CNTN6: variants seen among roughly 807,000 people sequenced by gnomAD.
The protein encoded by CNTN6 is contactin-6.
Under a neutral mutation model 122.8 loss-of-function variants are expected in CNTN6, and 137 were observed. The ratio of observed to expected loss-of-function variants is 1.12; its 90% confidence interval spans 0.97 to 1.29. The LOEUF (loss-of-function observed/expected upper bound fraction) is 1.29, where lower values mean the gene tolerates loss of function less well. Among genes scored for constraint, CNTN6 ranks in the 50% most tolerant of loss-of-function variants. The pLI, the probability that CNTN6 is intolerant of heterozygous loss-of-function variation, is 0.00. For missense variants in CNTN6, 1,634 were observed against 1,223.4 expected (o/e 1.34, Z -5.01); for synonymous variants, 570 against 426.0 (o/e 1.34, Z -4.16).
chr3:1,400,553 A>C (rs1190938304), intron 20 of CNTN6, among the ~76,000 whole-genome samples: 1 of 152,148 alleles, frequency 6.6e-6, no homozygotes, highest in East Asian at 1.9e-4. Context: ...TGGGATGATC[A>C]ATCAGTTTGT....
At chr3:1,288,499 A>G (rs1020359848) in intron 5 of CNTN6, among the ~76,000 whole-genome samples, 36 of 152,224 alleles carry the variant, frequency 2.4e-4, no homozygotes, top group African/African-American at 8.0e-4. Context: ...CTGGAGCACT[A>G]CACAAGGTTT....
chr3:1,160,342 C>CTG (rs1333757147), intron 2 of CNTN6, among the ~76,000 whole-genome samples: 4 of 26,574 alleles, frequency 1.5e-4, no homozygotes, highest in Non-Finnish European at 2.7e-4. Flanking sequence ...TTTACTTTTA[C>CTG]TGTATATATA....
At chr3:1,319,631 C>A (rs906620824) in intron 7 of CNTN6, among the ~76,000 whole-genome samples, 6 of 151,330 alleles carry the variant, frequency 4.0e-5, no homozygotes, top group African/African-American at 1.5e-4. Context: ...AGATTAAAAG[C>A]CTTTTCAATT....
chr3:1,156,685 C>CTT (rs1396791868), intron 2 of CNTN6, among the ~76,000 whole-genome samples: 16 of 17,362 alleles, frequency 9.2e-4, no homozygotes, highest in East Asian at 0.022. Flanking sequence ...CTTCCTTTCC[C>CTT]TCCCTCCCTT....
chr3:1,232,906 C>T (rs3772341), intron 4 of CNTN6, among the ~76,000 whole-genome samples: 12,370 of 152,014 alleles, frequency 0.081, 1,170 homozygotes, highest in East Asian at 0.48. Context: ...AAGTACAGGT[C>T]GGAAGAACAG....
intron 2 of CNTN6, among the ~76,000 whole-genome samples, chr3:1,187,801 G>A (rs1467192940): frequency 6.6e-6 from 1 of 152,204 alleles, no homozygotes; most frequent in Admixed American, 6.5e-5. Context: ...TACTGTGCCA[G>A]TGCCTCCTGG....
chr3:1,369,387 T>G (rs1329754650), intron 12 of CNTN6, among the ~76,000 whole-genome samples: 2 of 151,740 alleles, frequency 1.3e-5, no homozygotes, highest in Non-Finnish European at 2.9e-5. Context: ...GCGGGTTTTT[T>G]TTTTTTTTTT....
At chr3:1,103,339 A>C (rs2124975096) in intron 1 of CNTN6, among the ~76,000 whole-genome samples, 1 of 152,292 alleles carries the variant, frequency 6.6e-6, no homozygotes, top group Non-Finnish European at 1.5e-5. Flanking sequence ...ATATGCTGAA[A>C]ATGGTTCTAT....
chr3:1,175,103 G>A (rs768833770), intron 2 of CNTN6, among the ~76,000 whole-genome samples: 1 of 151,544 alleles, frequency 6.6e-6, no homozygotes, highest in Non-Finnish European at 1.5e-5. Flanking sequence ...GCATGGTGGT[G>A]TGCCTGTAGT....
chr3:1,123,291 T>G (rs961730037), intron 1 of CNTN6, among the ~76,000 whole-genome samples: 3 of 151,884 alleles, frequency 2.0e-5, no homozygotes, highest in African/African-American at 7.2e-5. Flanking sequence ...ATAAGATATC[T>G]TTCTATTTAT....
intron 2 of CNTN6, among the ~76,000 whole-genome samples, chr3:1,212,540 C>T (rs2094060534): frequency 6.6e-6 from 1 of 150,944 alleles, no homozygotes. Context: ...TATATACACA[C>T]ACACATATAT....
At chr3:1,225,202 G>A (rs1479409664) in intron 3 of CNTN6, among the ~76,000 whole-genome samples, 2 of 152,148 alleles carry the variant, frequency 1.3e-5, no homozygotes, top group Non-Finnish European at 2.9e-5. Context: ...ACATTTCCTA[G>A]GTTGCATCAT....
At chr3:1,182,351 A>G (rs1173132873) in intron 2 of CNTN6, among the ~76,000 whole-genome samples, 3 of 152,174 alleles carry the variant, frequency 2.0e-5, no homozygotes, top group East Asian at 1.9e-4. Flanking sequence ...GACTTTCCAC[A>G]GAGCCCTAGA....
chr3:1,236,856 G>A (rs2125588332), intron 4 of CNTN6, among the ~76,000 whole-genome samples: 1 of 152,200 alleles, frequency 6.6e-6, no homozygotes, highest in East Asian at 1.9e-4. Context: ...TGAGGCGGGT[G>A]GATCACAAGG....
intron 2 of CNTN6, among the ~76,000 whole-genome samples, chr3:1,204,849 T>G (rs1290109015): frequency 1.3e-5 from 2 of 152,162 alleles, no homozygotes; most frequent in African/African-American, 4.8e-5. Context: ...TCTCCTGTTT[T>G]GGCCTCCCAT....
chr3:1,319,377 G>A (rs537729260), intron 7 of CNTN6, among the ~76,000 whole-genome samples: 5 of 151,680 alleles, frequency 3.3e-5, no homozygotes, highest in East Asian at 2.0e-4. Context: ...TTATATGTAC[G>A]TATTGTACAG....
rs755983027 is a variant in CNTN6, at chr3:1,295,652, A to T, written c.506A>T (p.Asp169Val). 6.2e-6 allele frequency: 10 copies of T among 1,613,862 alleles called. No homozygotes were observed. In the South Asian group the frequency reaches 1.1e-4, roughly 18 times the overall value. ...GATAACCCCTTATACGTCCAAGAGG[A>T]CAATAGGCGATTTGTATCTCAAGAG... ...FNDNPLYVQEDNRRFVSQETG... is the reference protein window; with the variant it reads ...FNDNPLYVQEVNRRFVSQETG... The change falls in exon 6 of 23, where the codon GAC becomes GTC. Residue 169 changes from aspartate to valine, a missense_variant. Asp to Val is a radical substitution (Grantham distance 152, BLOSUM62 -3). Coordinates refer to ENST00000446702, the MANE Select transcript of CNTN6 (RefSeq NM_001289080.2).
intron 4 of CNTN6, among the ~76,000 whole-genome samples, chr3:1,258,550 G>A (rs1391088656): frequency 6.6e-6 from 1 of 152,110 alleles, no homozygotes; most frequent in Non-Finnish European, 1.5e-5. Flanking sequence ...GTTTGTGTGT[G>A]AGGGATTGGA....
chr3:1,402,729 G>C (rs1399618078), intron 22 of CNTN6: 2 of 379,322 alleles, frequency 5.3e-6, no homozygotes, highest in East Asian at 4.1e-5. Flanking sequence ...AAATCTTTGT[G>C]TCATTAGAGC....
Sources: gnomAD v4.1 joint callset for allele counts (sites outside exome capture counted in the v4.1 genomes callset) on GRCh38, gnomAD v4.1.1 for gene constraint, MANE v1.5 for transcripts, NCBI Gene and HGNC (gene_info 2026-07-23, HGNC 2026-07-21) for gene names.